ECPAS: variants seen among roughly 807,000 people sequenced by gnomAD.
ECPAS encodes Ecm29 proteasome adaptor and scaffold, also known as proteasome adapter and scaffold protein ECM29.
A neutral mutation model predicts 255.1 loss-of-function variants in ECPAS; 70 were observed. That is an observed-to-expected ratio of 0.27 (90% CI 0.23 to 0.33). The LOEUF (loss-of-function observed/expected upper bound fraction) is 0.33, where lower values mean the gene tolerates loss of function less well. Among genes scored for constraint, ECPAS ranks in the 10% least tolerant of loss-of-function variants. The pLI, the probability that ECPAS is intolerant of heterozygous loss-of-function variation, is 1.00. For synonymous variants in ECPAS, 784 were observed against 775.0 expected (o/e 1.01, Z -0.19); for missense variants, 1,817 against 2,206.4 (o/e 0.82, Z 3.54).
At chr9:111,373,046 GA>G in intron 41 of ECPAS, 123 bp downstream of exon 41, 1 of 878,248 alleles carries the variant, frequency 1.1e-6, no homozygotes, top group Non-Finnish European at 1.8e-6. Context: ...AAAAAGAAAA[GA>G]AAAGAAACAA....
chr9:111,364,745 T>C, intron 48 of ECPAS, among the ~76,000 whole-genome samples: 1 of 152,204 alleles, frequency 6.6e-6, no homozygotes, highest in Middle Eastern at 3.2e-3. Context: ...CTTGACCAGG[T>C]AATCAAAATT....
chr9:111,381,720 CATA>C (rs1382924219), intron 35 of ECPAS, among the ~76,000 whole-genome samples: 1 of 152,160 alleles, frequency 6.6e-6, no homozygotes, highest in Non-Finnish European at 1.5e-5. Context: ...TTATCATAAT[CATA>C]ATACCATTTT....
rs754079798 is a variant in ECPAS at position 111,422,250 on chromosome 9, G to GA, written c.1266-51dup. The GA allele has an allele frequency of 2.6e-6, 4 of 1,544,510 alleles. No individual in the cohort carries two copies. The Admixed American group carries it at 7.0e-5, about 27-fold the overall frequency. ...TTACTATCATAAATTTCCAAGAGAT[G>GA]AAAAAGGGAAAAAATGAAACTAAAC... On this transcript the variant is annotated intron_variant, in intron 13 of 49. Coordinates refer to ENST00000684092, the MANE Select transcript of ECPAS (RefSeq NM_001364929.1).
chr9:111,403,793 T>C (rs2098179821), intron 24 of ECPAS, among the ~76,000 whole-genome samples: 1 of 149,862 alleles, frequency 6.7e-6, no homozygotes, highest in Non-Finnish European at 1.5e-5. Flanking sequence ...TTCATCCAAC[T>C]GCTATAGAAT....
chr9:111,465,905 G>A (rs971981941), intron 2 of ECPAS, among the ~76,000 whole-genome samples: 12 of 151,812 alleles, frequency 7.9e-5, no homozygotes, highest in African/African-American at 1.7e-4. Flanking sequence ...ATGGTGGTGC[G>A]TCCCTGTAGT....
At chr9:111,442,728 C>T (rs1178503442) in intron 4 of ECPAS, among the ~76,000 whole-genome samples, 2 of 152,190 alleles carry the variant, frequency 1.3e-5, no homozygotes, top group Non-Finnish European at 2.9e-5. Context: ...CCTATTTACA[C>T]CTACACACTA....
In ECPAS at chr9:111,361,893, C is replaced by CT. The variant is rs2098113689; in HGVS notation, c.*136dup. 2.4e-5 allele frequency: 25 copies of CT among 1,062,782 alleles called. No homozygotes were observed. The South Asian group carries it at 4.6e-4, about 20-fold the overall frequency. The allele number at this position is 1,062,782 out of a possible 1,614,324, so 65.8% of individuals were successfully genotyped here. ...AGCTAATAAGGAACAAAATTTAAGG[C>CT]TTTTTCTTTTTATTTCAGCCAAGGA... On this transcript the variant is annotated 3_prime_UTR_variant, in exon 50 of 50. Coordinates refer to ENST00000684092, the MANE Select transcript of ECPAS (RefSeq NM_001364929.1).
intron 45 of ECPAS, among the ~76,000 whole-genome samples, 199 bp downstream of exon 45, chr9:111,370,236 G>A (rs953573130): frequency 1.2e-4 from 18 of 152,172 alleles, no homozygotes; most frequent in African/African-American, 4.3e-4. Context: ...GTAAAGAGAC[G>A]GAATACCTGA....
At chr9:111,431,415 G>A (rs78473496) in intron 8 of ECPAS, among the ~76,000 whole-genome samples, 46 of 152,100 alleles carry the variant, frequency 3.0e-4, no homozygotes, top group Admixed American at 7.9e-4. Flanking sequence ...AAAATTAGCC[G>A]GGCACGGTGG....
chr9:111,451,788 T>C (rs1217071948), intron 2 of ECPAS, among the ~76,000 whole-genome samples: 1 of 152,112 alleles, frequency 6.6e-6, no homozygotes, highest in Non-Finnish European at 1.5e-5. Flanking sequence ...AACAAAAAGT[T>C]CTCTCCCACA....
rs1227817926 is a variant in ECPAS, at chr9:111,431,694, T to C, written c.849-1066A>G. Among the ~76,000 whole-genome samples the C allele has an allele frequency of 2.6e-5, 4 of 152,312 alleles. No homozygotes were observed. In the East Asian group the frequency reaches 7.7e-4, roughly 29 times the overall value. On this transcript the variant is annotated intron_variant, in intron 8 of 49. Coordinates refer to ENST00000684092, the MANE Select transcript of ECPAS (RefSeq NM_001364929.1). The stretch of plus-strand genomic sequence containing the variant: ...CTGGTTTACCATACTATATTCTCTC[T>C]GCCCTTTGACATTGGTTCTGCTTTC...
At chr9:111,399,308 A>G (rs538050466) in intron 24 of ECPAS, among the ~76,000 whole-genome samples, 1 of 152,216 alleles carries the variant, frequency 6.6e-6, no homozygotes, top group African/African-American at 2.4e-5. Flanking sequence ...GTGAGACATC[A>G]CAGTACCTGG....
intron 45 of ECPAS, among the ~76,000 whole-genome samples, chr9:111,369,974 C>T (rs962514281): frequency 4.6e-5 from 7 of 152,316 alleles, no homozygotes; most frequent in African/African-American, 1.4e-4. Context: ...CCCCTTCTCC[C>T]ATGGAGGGCA....
chr9:111,474,981 T>C (rs1342030244), intron 1 of ECPAS, among the ~76,000 whole-genome samples: 2 of 152,200 alleles, frequency 1.3e-5, no homozygotes, highest in Non-Finnish European at 2.9e-5. Context: ...ACTCAGCTTT[T>C]TTTGTTTTGC....
rs1250206947 is a variant in ECPAS at position 111,413,933 on chromosome 9, G to T, written c.2041C>A (p.Leu681Met). The T allele has an allele frequency of 6.3e-7, 1 of 1,589,356 alleles. No individual in the cohort carries two copies. The highest frequency in any genetic ancestry group is 8.6e-7 in the Non-Finnish European group (1 of 1,166,546). ...GTTTTGTCTACAAATTTGGTAGCCA[G>T]CTTTTCTGGATACACTGACACAGCT... ...LEAVSVYPEK[L>M]ATKFVDKTEW... The change falls in exon 20 of 50, where the codon CTG becomes ATG. Residue 681 changes from leucine (L) to methionine (M), a missense_variant. Physicochemically the swap from Leu to Met is conservative, Grantham distance 15. This residue lies in a region of ECPAS where 573 missense variants were observed against 716.2 expected (regional missense o/e 0.80). Coordinates refer to ENST00000684092, the MANE Select transcript of ECPAS (RefSeq NM_001364929.1).
At chr9:111,478,502 G>A (rs1413314284) in intron 1 of ECPAS, among the ~76,000 whole-genome samples, 1 of 151,962 alleles carries the variant, frequency 6.6e-6, no homozygotes, top group African/African-American at 2.4e-5. Context: ...ACTCCAGCCT[G>A]GACAACAGTG....
intron 8 of ECPAS, 65 bp downstream of exon 8, chr9:111,433,168 T>C (rs1564542472): frequency 1.3e-6 from 2 of 1,549,084 alleles, no homozygotes; most frequent in East Asian, 2.3e-5. Flanking sequence ...AAACAAAAAA[T>C]GTGTCAAGTA....
Position 111,392,777 on chromosome 9 carries a change from G to A in ECPAS, c.3083C>T (p.Thr1028Ile). ...LVSTLVETLM[T>I]GKRVKHEVSG... is the part of the protein sequence containing the mutation. The stretch of plus-strand genomic sequence containing the variant: ...TTCAAGTTCACCATACCTTTTGCCA[G>A]TCATAAGTGTTTCCACAAGTGTAGA... Residue 1028 changes from threonine (T) to isoleucine (I), a missense_variant, in exon 28 of 50, where the codon ACT becomes ATT. By Grantham distance (89) the Thr-to-Ile change is moderately conservative (BLOSUM62 -1). Coordinates refer to ENST00000684092, the MANE Select transcript of ECPAS (RefSeq NM_001364929.1). 6.2e-7 allele frequency: 1 copy of A among 1,610,306 alleles called. No homozygotes were observed. The highest frequency in any genetic ancestry group is 8.5e-7 in the Non-Finnish European group (1 of 1,177,434).
At chr9:111,395,672 T>TA (rs2098166541) in intron 25 of ECPAS, among the ~76,000 whole-genome samples, 1 of 152,036 alleles carries the variant, frequency 6.6e-6, no homozygotes, top group Non-Finnish European at 1.5e-5. Flanking sequence ...AGTCACTAGG[T>TA]AAAAAACCCA....
Sources: gnomAD v4.1 joint callset for allele counts (sites outside exome capture counted in the v4.1 genomes callset) on GRCh38, gnomAD v4.1.1 for gene constraint, gnomAD v4.1.1 regional missense constraint, MANE v1.5 for transcripts, NCBI Gene and HGNC (gene_info 2026-07-23, HGNC 2026-07-21) for gene names.